Variants in SPACA6 observed in about 807,000 individuals in gnomAD.
The protein encoded by SPACA6 is sperm acrosome associated 6, also known as sperm acrosome membrane-associated protein 6.
For synonymous variants in SPACA6, 6 were observed against 1.5 expected, an observed-to-expected ratio of 4.05 and a Z score of -2.21; for missense variants, 8 against 2.8, an observed-to-expected ratio of 2.88 and a Z score of -1.34.
At chr19:51,689,087 A>AG (rs71189612), upstream of SPACA6, 151,926 of 151,928 alleles carry the variant, frequency 1, 75,962 homozygotes, top group Middle Eastern at 1. Context: ...AGACTGGCCG[A>AG]GGAGGAGGGC....
At chr19:51,685,149 G>T (rs1465172102), upstream of SPACA6, among the ~76,000 whole-genome samples, 1 of 152,212 alleles carries the variant, frequency 6.6e-6, no homozygotes, top group Non-Finnish European at 1.5e-5. Context: ...AGGAACTTGG[G>T]ATGACCTTGT....
Position 51,703,753 on chromosome 19 carries a change from G to A in SPACA6, c.574-277G>A, listed in dbSNP as rs1288215499. 6.6e-6 allele frequency among the ~76,000 whole-genome samples: 1 copy of A among 152,082 alleles called. No individual in the cohort carries two copies. Among genetic ancestry groups the A allele is most frequent in the East Asian group, 1.9e-4 (1 of 5,182 alleles). ...TTTGAGGCTGCAGTGAGCTATGATC[G>A]CGCCACTGCACTGCAGCCTGGGCGC... On this transcript the variant is annotated intron_variant, in intron 6 of 8. Transcript: ENST00000637797. The surrounding 1 kb of genome is among the most constrained non-coding windows in gnomAD (Gnocchi z 4.2).
chr19:51,697,319 G>A (rs192339102), intron 2 of SPACA6, among the ~76,000 whole-genome samples: 15 of 152,294 alleles, frequency 9.8e-5, no homozygotes, highest in African/African-American at 1.9e-4. Flanking sequence ...GTGAGAAGCC[G>A]GCCCATGGTG....
chr19:51,702,601 G>A (rs2083477969), intron 3 of SPACA6, 28 bp from the exon 4 acceptor site: 1 of 398,998 alleles, frequency 2.5e-6, no homozygotes, highest in African/African-American at 2.1e-5. Flanking sequence ...ATGACTGTAA[G>A]GTAGTGATGT....
chr19:51,684,380 G>T (rs147787818), upstream of SPACA6, among the ~76,000 whole-genome samples: 8 of 152,130 alleles, frequency 5.3e-5, no homozygotes, highest in African/African-American at 7.2e-5. Flanking sequence ...TATGGCCCAA[G>T]GTGAAGAGAA....
chr19:51,705,954 C>G (rs1043711195), downstream of SPACA6, among the ~76,000 whole-genome samples: 3 of 152,172 alleles, frequency 2.0e-5, no homozygotes, highest in Admixed American at 2.0e-4. Context: ...CCTTGGCCTC[C>G]CAAAGTGCTG....
intron 1 of SPACA6, chr19:51,694,261 T>C (rs2083405873): frequency 2.6e-6 from 1 of 381,990 alleles, no homozygotes; most frequent in Non-Finnish European, 4.6e-6. Flanking sequence ...AGGCAGAGAC[T>C]AGGGGAAGCA....
At chr19:51,702,959 G>A (rs1177088635) in intron 4 of SPACA6, 62 bp from the exon 5 acceptor site, 2 of 399,002 alleles carry the variant, frequency 5.0e-6, no homozygotes, top group African/African-American at 2.1e-5. Flanking sequence ...ATCTCAAATG[G>A]GCCAAGGGCC....
chr19:51,702,841 A>C (rs921873144), intron 4 of SPACA6, 180 bp from the exon 5 acceptor site: 2 of 398,390 alleles, frequency 5.0e-6, no homozygotes, highest in African/African-American at 4.1e-5. Context: ...AGCCGAAGCA[A>C]ACCAATAGGA....
chr19:51,699,563 C>G lies in SPACA6; in HGVS notation c.293-2095C>G, dbSNP rs143200164. Among the ~76,000 whole-genome samples the G allele has an allele frequency of 6.9e-3, 1,044 of 152,266 alleles. 15 individuals carry two copies. The highest frequency in any genetic ancestry group is 0.024 in the African/African-American group (996 of 41,556). ...GTTTCTGCCTTCTAGAAGTCTGAGA[C>G]CAAGGTTTTGGTGTCAGCAGGGTTA... On this transcript the variant is annotated intron_variant, in intron 2 of 8. Transcript: ENST00000637797.
intron 2 of SPACA6, among the ~76,000 whole-genome samples, chr19:51,697,081 C>A (rs1469947263): frequency 6.6e-6 from 1 of 152,184 alleles, no homozygotes; most frequent in Non-Finnish European, 1.5e-5. Flanking sequence ...CAAGGTAGGG[C>A]CCAGACATGG....
intron 2 of SPACA6, 26 bp downstream of exon 2, chr19:51,694,581 G>A: frequency 2.5e-6 from 1 of 399,590 alleles, no homozygotes; most frequent in Non-Finnish European, 4.4e-6. Context: ...TGGGGAGATG[G>A]GAGATGTGGA....
At chr19:51,706,595 A>G (rs947099277), downstream of SPACA6, among the ~76,000 whole-genome samples, 2 of 151,924 alleles carry the variant, frequency 1.3e-5, no homozygotes, top group African/African-American at 4.8e-5. Context: ...TCCTTCTCTA[A>G]CTACCTCTCT....
chr19:51,702,961 C>A (rs1469940840), intron 4 of SPACA6, 60 bp from the exon 5 acceptor site: 3 of 399,032 alleles, frequency 7.5e-6, no homozygotes. Flanking sequence ...CTCAAATGGG[C>A]CAAGGGCCCC....
upstream of SPACA6, among the ~76,000 whole-genome samples, chr19:51,691,103 G>T (rs2083367787): frequency 2.0e-5 from 3 of 151,566 alleles, no homozygotes; most frequent in Admixed American, 2.0e-4. Context: ...TCCTCAGGTC[G>T]CTACCCCAGC....
At chr19:51,709,219 G>GA (rs35079110), downstream of SPACA6, among the ~76,000 whole-genome samples, 7,583 of 126,842 alleles carry the variant, frequency 0.06, 648 homozygotes, top group African/African-American at 0.19. Context: ...ACCTGAATCA[G>GA]AAAAAAAAAA....
upstream of SPACA6, chr19:51,692,945 G>A (rs915474290): frequency 1.9e-5 from 9 of 486,394 alleles, no homozygotes; most frequent in Non-Finnish European, 3.8e-5. The surrounding 1 kb of genome is among the most constrained non-coding windows in gnomAD (Gnocchi z 5.6). Context: ...CTGCCCCAGG[G>A]ACCCTGGGAG....
rs993836458 is a variant in SPACA6, at chr19:51,704,068, G to A, written c.612G>A (p.Pro204=). 1.5e-5 allele frequency: 6 copies of A among 401,092 alleles called. No individual in the cohort carries two copies. Among genetic ancestry groups the A allele is most frequent in the Non-Finnish European group, 2.2e-5 (5 of 226,236 alleles). The allele number at this position is 401,092 out of a possible 1,614,324, so 24.8% of individuals were successfully genotyped here. The part of the protein sequence containing the change: ...TQDLSYFRDM[P]RAEGYLARIR... ...ACTTGTCCTATTTCCGAGATATGCC[G>A]CGGGCCGAAGGATACCTGGCGCGGA... Residue 204 remains proline, a synonymous_variant, in exon 7 of 9, where the codon CCG becomes CCA. Coordinates refer to ENST00000637797, the MANE Select transcript of SPACA6 (RefSeq NM_001316972.2).
upstream of SPACA6, among the ~76,000 whole-genome samples, chr19:51,690,144 A>G (rs2083357408): frequency 2.0e-5 from 3 of 151,426 alleles, no homozygotes; most frequent in Non-Finnish European, 1.5e-5. Context: ...CCGGGATTCC[A>G]GGTCCCAGAC....
Sources: gnomAD v4.1 joint callset for allele counts (sites outside exome capture counted in the v4.1 genomes callset) on GRCh38, gnomAD v4.1.1 for gene constraint, Gnocchi (gnomAD v3.1) non-coding constraint, MANE v1.5 for transcripts, NCBI Gene and HGNC (gene_info 2026-07-23, HGNC 2026-07-21) for gene names.